The following CYRIB variants were observed in gnomAD, a reference collection of about 807,000 sequenced individuals.
CYRIB encodes CYFIP related Rac1 interactor B, also known as CYFIP-related Rac1 interactor B.
In CYRIB, 8 loss-of-function variants were observed where a neutral mutation model predicts 44.2. The observed-to-expected ratio is 0.18, with a 90% confidence interval of 0.11 to 0.33. The LOEUF is 0.33. Ranked by LOEUF, CYRIB falls within the 10% of genes least tolerant of loss-of-function variation. The pLI, the probability that CYRIB is intolerant of heterozygous loss-of-function variation, is 1.00. For missense variants in CYRIB, 185 were observed against 382.8 expected, an observed-to-expected ratio of 0.48 and a Z score of 4.31; for synonymous variants, 131 against 127.2, an observed-to-expected ratio of 1.03 and a Z score of -0.20.
rs529516452 is a variant in CYRIB at position 129,923,158 on chromosome 8, G to A, written c.-50+16450C>T. ...CTTGGGAGGCTGAGGCAGAAGAATCGCTTGAACCTGGGAGGCAGAGGTTGT... is the reference window on the plus strand; with the variant it reads ...CTTGGGAGGCTGAGGCAGAAGAATCACTTGAACCTGGGAGGCAGAGGTTGT... On this transcript the variant is annotated intron_variant, in intron 1 of 11. Transcript: ENST00000519824. Among the ~76,000 whole-genome samples the A allele has an allele frequency of 9.3e-5, 14 of 150,444 alleles. No homozygotes were observed. In the East Asian group the frequency reaches 1.6e-3, roughly 17 times the overall value.
chr8:129,933,974 G>A (rs1019328847), intron 1 of CYRIB, among the ~76,000 whole-genome samples: 1 of 151,984 alleles, frequency 6.6e-6, no homozygotes, highest in East Asian at 1.9e-4. Flanking sequence ...AGCTAGTGAG[G>A]GTTTTTCCAA....
At chr8:129,962,077 C>T (rs2095285201) in intron 2 of CYRIB, among the ~76,000 whole-genome samples, 1 of 151,968 alleles carries the variant, frequency 6.6e-6, no homozygotes, top group Admixed American at 6.6e-5. Context: ...TGGGAGACCC[C>T]TTCTCTAAAC....
At chr8:129,909,484 G>A (rs1309967152) in intron 1 of CYRIB, among the ~76,000 whole-genome samples, 1 of 151,912 alleles carries the variant, frequency 6.6e-6, no homozygotes, top group Non-Finnish European at 1.5e-5. Flanking sequence ...TTCACATCAT[G>A]AGCAATATTT....
At chr8:130,013,685 C>A (rs190766063) in intron 1 of CYRIB, among the ~76,000 whole-genome samples, 20 of 152,272 alleles carry the variant, frequency 1.3e-4, no homozygotes, top group Non-Finnish European at 8.8e-5. Flanking sequence ...CTGGCACCCG[C>A]GTCCCTCGGG....
At chr8:129,871,407 A>T in exon 4 of CYRIB, 2 of 1,610,544 alleles carry the variant, frequency 1.2e-6, no homozygotes, top group Non-Finnish European at 1.7e-6. Context: ...CCTCTGTATG[A>T]CTGCAAGTCC....
chr8:129,932,117 G>A (rs1052324441), intron 1 of CYRIB, among the ~76,000 whole-genome samples: 3 of 151,014 alleles, frequency 2.0e-5, no homozygotes, highest in African/African-American at 7.3e-5. Flanking sequence ...TCCTGCCTCA[G>A]CCTCCTGAGT....
chr8:129,987,829 C>T (rs2096519647), intron 1 of CYRIB, among the ~76,000 whole-genome samples: 1 of 152,174 alleles, frequency 6.6e-6, no homozygotes, highest in Non-Finnish European at 1.5e-5. Context: ...GCCTCGGCTT[C>T]CCAAAGTGCT....
intron 1 of CYRIB, among the ~76,000 whole-genome samples, chr8:129,915,714 T>A (rs2080403225): frequency 6.6e-6 from 1 of 152,184 alleles, no homozygotes; most frequent in South Asian, 2.1e-4. Context: ...CCATGGACCA[T>A]CTGCATCTGC....
chr8:129,873,804 T>C (rs2058197226), intron 3 of CYRIB, among the ~76,000 whole-genome samples: 1 of 152,056 alleles, frequency 6.6e-6, no homozygotes, highest in Non-Finnish European at 1.5e-5. Context: ...AAAGGTTTAA[T>C]AAGTACCAAG....
At chr8:129,925,579 T>A (rs920045834) in intron 1 of CYRIB, among the ~76,000 whole-genome samples, 12 of 152,110 alleles carry the variant, frequency 7.9e-5, no homozygotes, top group Non-Finnish European at 1.5e-5. Context: ...TGGTCTCACT[T>A]CTCTCAGGTG....
chr8:129,933,039 T>G (rs1193077480), intron 1 of CYRIB, among the ~76,000 whole-genome samples: 3 of 152,180 alleles, frequency 2.0e-5, no homozygotes, highest in Non-Finnish European at 2.9e-5. Context: ...ACAAGCCCCA[T>G]GGTCCCACAT....
intron 10 of CYRIB, among the ~76,000 whole-genome samples, chr8:129,848,585 T>C (rs908667541): frequency 6.6e-6 from 1 of 152,184 alleles, no homozygotes; most frequent in Non-Finnish European, 1.5e-5. Context: ...GTCTTTTTAA[T>C]TTCAAGACAG....
intron 1 of CYRIB, among the ~76,000 whole-genome samples, chr8:129,977,383 T>G (rs533170521): frequency 6.6e-5 from 10 of 152,310 alleles, no homozygotes; most frequent in Admixed American, 4.6e-4. Context: ...TGCCATGTCA[T>G]GTTTTAAATA....
At position 129,869,381 on chromosome 8, in the gene CYRIB, CA is replaced by C. The variant is rs572134261; in HGVS notation, c.195+1993del. On this transcript the variant is annotated intron_variant, in intron 4 of 11. Transcript: ENST00000519824. ...GGGTGACAAGAGTAAAACTCTGCCT[CA>C]AAAAAAAAAAAAAAAAAAAAAATCA... 3.8e-3 allele frequency among the ~76,000 whole-genome samples: 284 copies of C among 74,072 alleles called. 1 individual carries two copies. Among genetic ancestry groups the C allele is most frequent in the African/African-American group, 0.011 (226 of 20,530 alleles). 48.6% of individuals were successfully genotyped at this position (74,072 alleles called of 152,430 possible). A position where few individuals can be genotyped will look rare whatever the true frequency, so the allele number is the denominator to read the frequency against.
intron 1 of CYRIB, among the ~76,000 whole-genome samples, chr8:129,981,856 G>C (rs925374460): frequency 6.6e-6 from 1 of 152,160 alleles, no homozygotes; most frequent in Non-Finnish European, 1.5e-5. Context: ...GTCCAGACAG[G>C]TGCCCCCGCT....
intron 1 of CYRIB, among the ~76,000 whole-genome samples, chr8:129,999,991 T>TAA (rs1215540360): frequency 6.6e-6 from 1 of 152,226 alleles, no homozygotes; most frequent in Non-Finnish European, 1.5e-5. Flanking sequence ...CCTCTACTGT[T>TAA]ACCGTGTCCC....
intron 1 of CYRIB, among the ~76,000 whole-genome samples, chr8:129,973,617 G>A (rs837230): frequency 0.24 from 35,785 of 152,056 alleles, 5,100 homozygotes; most frequent in South Asian, 0.35. Flanking sequence ...TTCCTCTTTC[G>A]TCTCCTCTCA....
intron 1 of CYRIB, among the ~76,000 whole-genome samples, chr8:129,993,709 A>G (rs2096699538): frequency 6.6e-6 from 1 of 152,080 alleles, no homozygotes; most frequent in Non-Finnish European, 1.5e-5. Flanking sequence ...AAAAAAAAAA[A>G]AAATTAGCCG....
chr8:129,929,757 T>C (rs1236483954), intron 1 of CYRIB, among the ~76,000 whole-genome samples: 2 of 152,178 alleles, frequency 1.3e-5, no homozygotes, highest in East Asian at 3.9e-4. Context: ...CTAAGGGTCA[T>C]GATTAGGTAC....
Sources: gnomAD v4.1 joint callset for allele counts (sites outside exome capture counted in the v4.1 genomes callset) on GRCh38, gnomAD v4.1.1 for gene constraint, MANE v1.5 for transcripts, NCBI Gene and HGNC (gene_info 2026-07-23, HGNC 2026-07-21) for gene names.